Variants in TMTC2 observed in about 807,000 individuals in gnomAD.
TMTC2 encodes transmembrane O-mannosyltransferase targeting cadherins 2.
TMTC2 carries 43 observed loss-of-function variants against 82.4 expected under a neutral mutation model. The observed-to-expected ratio is 0.52, with a 90% CI of 0.41 to 0.67. The LOEUF is 0.67. Ranked by LOEUF, TMTC2 falls within the 30% of genes least tolerant of loss-of-function variation. TMTC2 has a pLI of 0.00. For synonymous variants in TMTC2, 408 were observed against 381.9 expected (o/e 1.07, Z -0.80); for missense variants, 919 against 1,012.4 (o/e 0.91, Z 1.25).
intron 11 of TMTC2, among the ~76,000 whole-genome samples, chr12:83,072,003 C>G (rs998341235): frequency 6.6e-6 from 1 of 152,076 alleles, no homozygotes; most frequent in East Asian, 1.9e-4. Context: ...GTTTCAATTT[C>G]ATTTAGTTCA....
chr12:83,078,200 G>A (rs1409571911), intron 11 of TMTC2, among the ~76,000 whole-genome samples: 5 of 152,106 alleles, frequency 3.3e-5, no homozygotes, highest in East Asian at 1.9e-4. Flanking sequence ...TAATTTTTGC[G>A]GCAACTGAAC....
chr12:82,785,795 C>T (rs1878150216), intron 1 of TMTC2, among the ~76,000 whole-genome samples: 1 of 152,024 alleles, frequency 6.6e-6, no homozygotes, highest in African/African-American at 2.4e-5. Context: ...TTCTAGAGAC[C>T]ATGATTCAGA....
intron 4 of TMTC2, among the ~76,000 whole-genome samples, chr12:82,951,035 T>C (rs963360414): frequency 6.6e-6 from 1 of 152,230 alleles, no homozygotes; most frequent in African/African-American, 2.4e-5. Flanking sequence ...TAATTAGGTC[T>C]GTGTCAAAAG....
chr12:82,973,545 A>T (rs546642181), intron 7 of TMTC2, among the ~76,000 whole-genome samples: 4 of 152,286 alleles, frequency 2.6e-5, no homozygotes, highest in Admixed American at 2.6e-4. Flanking sequence ...TTTTTCTCCT[A>T]AAAGTTTCTC....
intron 4 of TMTC2, among the ~76,000 whole-genome samples, chr12:82,952,790 C>T (rs1162762131): frequency 3.3e-5 from 5 of 152,096 alleles, no homozygotes; most frequent in Non-Finnish European, 1.5e-5. Flanking sequence ...CCAGGCTGGT[C>T]TCGAACTCCT....
At chr12:82,856,025 C>T (rs1331032222) in intron 1 of TMTC2, among the ~76,000 whole-genome samples, 1 of 152,128 alleles carries the variant, frequency 6.6e-6, no homozygotes, top group Non-Finnish European at 1.5e-5. Context: ...GACTCTGGGC[C>T]AGTTATTAAT....
At chr12:82,964,418 C>T (rs1878094260) in intron 4 of TMTC2, among the ~76,000 whole-genome samples, 1 of 152,044 alleles carries the variant, frequency 6.6e-6, no homozygotes, top group Admixed American at 6.6e-5. Context: ...CTGAAATTTG[C>T]ATAGTGTTCC....
chr12:83,065,044 GAGAGGGTAAAAATCTGT>G (rs1882870010), intron 11 of TMTC2, among the ~76,000 whole-genome samples: 1 of 151,746 alleles, frequency 6.6e-6, no homozygotes, highest in Admixed American at 6.6e-5. Context: ...AAGTACCCCT[GAGAGGGTAAAAATCTGT>G]AGCTGTATGT....
At chr12:82,868,889 G>T (rs769567715) in intron 2 of TMTC2, among the ~76,000 whole-genome samples, 6 of 152,038 alleles carry the variant, frequency 3.9e-5, no homozygotes, top group Non-Finnish European at 8.8e-5. Flanking sequence ...ACCTCCTGGA[G>T]CGACAACAGG....
At chr12:82,885,342 TC>T (rs1431838694) in intron 2 of TMTC2, among the ~76,000 whole-genome samples, 1 of 151,996 alleles carries the variant, frequency 6.6e-6, no homozygotes, top group Admixed American at 6.6e-5. Flanking sequence ...TTATCTGTTT[TC>T]TTTTTTTAGT....
chr12:82,839,975 C>G (rs180735583), intron 1 of TMTC2, among the ~76,000 whole-genome samples: 1 of 152,024 alleles, frequency 6.6e-6, no homozygotes, highest in East Asian at 1.9e-4. Context: ...ATGGGTGCAG[C>G]GTGGGAGAGA....
At chr12:82,913,115 A>C (rs1038854589) in intron 3 of TMTC2, among the ~76,000 whole-genome samples, 1 of 152,204 alleles carries the variant, frequency 6.6e-6, no homozygotes, top group East Asian at 1.9e-4. Context: ...TGATAAATTT[A>C]AAATTACTTT....
intron 4 of TMTC2, among the ~76,000 whole-genome samples, chr12:82,937,743 T>TGA (rs1302405662): frequency 3.5e-5 from 1 of 28,724 alleles, no homozygotes; most frequent in Non-Finnish European, 7.6e-5. Flanking sequence ...TGTGTGTGTG[T>TGA]GTGTGTGTAT....
chr12:82,767,031 TC>T (rs1188360182), intron 1 of TMTC2, among the ~76,000 whole-genome samples: 1 of 152,146 alleles, frequency 6.6e-6, no homozygotes, highest in Non-Finnish European at 1.5e-5. Flanking sequence ...AGCTTTTTTT[TC>T]ATCTTGGTAT....
At chr12:82,694,191 A>G (rs894236917) in intron 1 of TMTC2, among the ~76,000 whole-genome samples, 4 of 151,964 alleles carry the variant, frequency 2.6e-5, no homozygotes, top group African/African-American at 7.2e-5. Flanking sequence ...AGCATTTTTT[A>G]GAGTAGTTTA....
At chr12:82,724,502 GCTCT>G (rs770407705) in intron 1 of TMTC2, among the ~76,000 whole-genome samples, 1 of 151,990 alleles carries the variant, frequency 6.6e-6, no homozygotes, top group African/African-American at 2.4e-5. Flanking sequence ...GTTCCCCTGC[GCTCT>G]CTCTCTCCTA....
intron 2 of TMTC2, among the ~76,000 whole-genome samples, chr12:82,863,108 G>T (rs746420582): frequency 2.0e-5 from 3 of 152,006 alleles, no homozygotes; most frequent in Non-Finnish European, 2.9e-5. Context: ...ATCATTTATG[G>T]CATTGTCCCT....
At chr12:83,005,930 AC>A (rs1880180438) in intron 8 of TMTC2, among the ~76,000 whole-genome samples, 1 of 152,028 alleles carries the variant, frequency 6.6e-6, no homozygotes, top group South Asian at 2.1e-4. Context: ...AGCATGGAGA[AC>A]CCTTGGATAT....
intron 1 of TMTC2, among the ~76,000 whole-genome samples, chr12:82,846,902 A>G (rs1235972564): frequency 6.6e-6 from 1 of 152,096 alleles, no homozygotes; most frequent in African/African-American, 2.4e-5. Flanking sequence ...AAATTTGGAA[A>G]AGTGTTACCA....
Sources: gnomAD v4.1 joint callset for allele counts (sites outside exome capture counted in the v4.1 genomes callset) on GRCh38, gnomAD v4.1.1 for gene constraint, MANE v1.5 for transcripts, NCBI Gene and HGNC (gene_info 2026-07-23, HGNC 2026-07-21) for gene names.